ICE1: variants seen among roughly 807,000 people sequenced by gnomAD.
The protein encoded by ICE1 is interactor of little elongation complex ELL subunit 1, also known as little elongation complex subunit 1.
Under a neutral mutation model 192.7 loss-of-function variants are expected in ICE1, and 64 were observed. The ratio of observed to expected loss-of-function variants is 0.33; its 90% CI spans 0.27 to 0.41. The LOEUF is 0.41. ICE1 is among the 10% of genes least tolerant of loss of function. The pLI is 1.00. For synonymous variants in ICE1, 1,010 were observed against 984.5 expected (o/e 1.03, Z -0.49); for missense variants, 2,708 against 2,696.0 (o/e 1.00, Z -0.10).
In ICE1 at chr5:5,465,322, A is replaced by G. The variant is rs920891137; in HGVS notation, c.5892+96A>G. On this transcript the variant is annotated intron_variant, in intron 13 of 18. Transcript: ENST00000296564. ...GCAAAATGTGTAGATGACCATGAAC[A>G]AAAGTTTTACTTCAAGGATGAGAGT... is the stretch of plus-strand genomic sequence containing the variant. 6.1e-6 allele frequency: 5 copies of G among 819,728 alleles called. No homozygotes were observed. In the Admixed American group the frequency reaches 1.2e-4, roughly 19 times the overall value. 50.8% of individuals were successfully genotyped at this position (819,728 alleles called of 1,614,324 possible). A position where few individuals can be genotyped will look rare whatever the true frequency, so the allele number is the denominator to read the frequency against.
chr5:5,461,752 A>T lies in ICE1; in HGVS notation c.2418A>T (p.Arg806Ser). 1 of 1,613,810 alleles carries T rather than the reference A, an allele frequency of 6.2e-7. No individual in the cohort carries two copies. Among genetic ancestry groups the T allele is most frequent in the Non-Finnish European group, 8.5e-7 (1 of 1,179,786 alleles). The change falls in exon 13 of 19, where the codon AGA becomes AGT. Residue 806 changes from arginine to serine, a missense_variant. Coordinates refer to ENST00000296564, the MANE Select transcript of ICE1 (RefSeq NM_015325.3). ...GGAAAGGTGGCGAAGAAAGTCTGAGAGCCAAATCAGAACATGAACAGAAGA... is the reference window on the plus strand; with the variant it reads ...GGAAAGGTGGCGAAGAAAGTCTGAGTGCCAAATCAGAACATGAACAGAAGA... ...LLRKGGEESL[R>S]AKSEHEQKTS...
At chr5:5,427,308 A>G (rs899031265) in intron 1 of ICE1, among the ~76,000 whole-genome samples, 1 of 152,214 alleles carries the variant, frequency 6.6e-6, no homozygotes, top group South Asian at 2.1e-4. Flanking sequence ...GCAGTCAGAT[A>G]TAACAGTGTG....
intron 14 of ICE1, among the ~76,000 whole-genome samples, chr5:5,468,446 A>G (rs1020342148): frequency 6.6e-5 from 10 of 152,168 alleles, no homozygotes; most frequent in Non-Finnish European, 1.5e-4. Context: ...AGGAGAAAGT[A>G]TTTACAACAA....
Position 5,461,940 on chromosome 5 carries a change from A to G in ICE1, c.2606A>G (p.Lys869Arg), listed in dbSNP as rs1470990333. The G allele has an allele frequency of 6.2e-7, 1 of 1,613,934 alleles. No homozygotes were observed. Among genetic ancestry groups the G allele is most frequent in the South Asian group, 1.1e-5 (1 of 91,084 alleles). Residue 869 changes from lysine (K) to arginine (R), a missense_variant, in exon 13 of 19, where the codon AAG (lysine) becomes AGG (arginine). By Grantham distance (26) the Lys-to-Arg change is conservative. Transcript: ENST00000296564. ...SVITKQTRPE[K>R]VQSAKLEHLR... ...ATCACAAAACAGACAAGACCTGAAA[A>G]GGTTCAGAGTGCCAAATTGGAACAC... is the stretch of plus-strand genomic sequence containing the variant.
At chr5:5,428,073 G>A (rs1737578526) in intron 1 of ICE1, among the ~76,000 whole-genome samples, 1 of 152,180 alleles carries the variant, frequency 6.6e-6, no homozygotes, top group African/African-American at 2.4e-5. Context: ...GCCAAGGCCT[G>A]GAGGGGAGAA....
chr5:5,459,823 G>T (rs554742204), intron 12 of ICE1, among the ~76,000 whole-genome samples: 3 of 152,280 alleles, frequency 2.0e-5, no homozygotes, highest in East Asian at 3.9e-4. Flanking sequence ...CGAGTTGGGG[G>T]TCAGGGAAAG....
intron 3 of ICE1, among the ~76,000 whole-genome samples, chr5:5,438,254 C>T (rs1384945085): frequency 6.6e-6 from 1 of 152,188 alleles, no homozygotes; most frequent in Non-Finnish European, 1.5e-5. Flanking sequence ...GGACTGCCCC[C>T]GTGATCTGAT....
At chr5:5,443,289 G>T in intron 6 of ICE1, 45 bp downstream of exon 6, 2 of 1,030,152 alleles carry the variant, frequency 1.9e-6, no homozygotes, top group South Asian at 1.7e-5. Flanking sequence ...TTTCAGTTTT[G>T]AAAATACGTA....
At chr5:5,447,918 G>A in intron 10 of ICE1, 21 bp downstream of exon 10, 1 of 1,537,642 alleles carries the variant, frequency 6.5e-7, no homozygotes, top group Non-Finnish European at 8.8e-7. Flanking sequence ...TGCAACTTTT[G>A]TTTTAATGTT....
rs368715290 is a variant in ICE1 at position 5,480,878 on chromosome 5, G to T, written c.6520+4799G>T. 2.3e-3 allele frequency among the ~76,000 whole-genome samples: 349 copies of T among 152,320 alleles called. 1 individual carries two copies. The highest frequency in any genetic ancestry group is 6.8e-3 in the Middle Eastern group (2 of 294). ...ATGATTGCCAAAGACTATGAATTTG[G>T]TAGAGATACATCAGAAGATAAGCAG... On this transcript the variant is annotated intron_variant, in intron 17 of 18. Coordinates refer to ENST00000296564, the MANE Select transcript of ICE1 (RefSeq NM_015325.3).
At chr5:5,446,531 C>T (rs1004902396) in intron 7 of ICE1, among the ~76,000 whole-genome samples, 1 of 152,146 alleles carries the variant, frequency 6.6e-6, no homozygotes, top group Non-Finnish European at 1.5e-5. Context: ...GCTCAAGAAA[C>T]CTGCTCATCC....
Position 5,464,844 on chromosome 5 carries a change from T to C in ICE1, c.5510T>C (p.Leu1837Pro). The change falls in exon 13 of 19, where the codon CTG (leucine) becomes CCG (proline). Residue 1837 changes from leucine to proline, a missense_variant. Transcript: ENST00000296564. The surrounding 1 kb of genome is among the most constrained non-coding windows in gnomAD (Gnocchi z 4.0). ...TQQDSSGKRT[L>P]STSTLRSAKR... ...CAGGATTCAAGCGGGAAAAGAACAC[T>C]GTCAACGTCTACACTGAGAAGTGCT... The C allele has an allele frequency of 6.2e-7, 1 of 1,613,260 alleles. No homozygotes were observed. Among genetic ancestry groups the C allele is most frequent in the Middle Eastern group, 1.6e-4 (1 of 6,062 alleles).
chr5:5,470,592 A>AG (rs1739131392), intron 15 of ICE1, among the ~76,000 whole-genome samples: 1 of 152,246 alleles, frequency 6.6e-6, no homozygotes, highest in African/African-American at 2.4e-5. Flanking sequence ...ATGAGGACAT[A>AG]GTACAGTTCA....
At chr5:5,435,690 T>G (rs1378517717) in intron 1 of ICE1, among the ~76,000 whole-genome samples, 1 of 109,810 alleles carries the variant, frequency 9.1e-6, no homozygotes, top group Non-Finnish European at 1.8e-5. Context: ...TTTTGTTTTT[T>G]TTTTCGAGAT....
At chr5:5,485,898 TAA>T (rs1561102648) in intron 17 of ICE1, among the ~76,000 whole-genome samples, 1 of 152,388 alleles carries the variant, frequency 6.6e-6, no homozygotes, top group East Asian at 1.9e-4. Context: ...AAAGTTCATT[TAA>T]GTTACAGGTT....
chr5:5,436,803 G>A (rs1737883558), intron 2 of ICE1, among the ~76,000 whole-genome samples: 1 of 152,120 alleles, frequency 6.6e-6, no homozygotes, highest in African/African-American at 2.4e-5. Context: ...TAGCCATGGT[G>A]TGAGATTTCC....
At chr5:5,450,186 T>G (rs929828180) in intron 10 of ICE1, among the ~76,000 whole-genome samples, 2 of 152,192 alleles carry the variant, frequency 1.3e-5, no homozygotes, top group African/African-American at 4.8e-5. Context: ...GAAAACTGAT[T>G]GCATTTCCTT....
At position 5,462,774 on chromosome 5, in the gene ICE1, T is replaced by C. The variant is rs756086277; in HGVS notation, c.3440T>C (p.Leu1147Ser). The C allele has an allele frequency of 1.2e-6, 2 of 1,613,618 alleles. No homozygotes were observed. Among genetic ancestry groups the C allele is most frequent in the East Asian group, 4.5e-5 (2 of 44,856 alleles). ...DAAVAEVRPSLEVGYLTSALQ... is the reference protein window; with the variant it reads ...DAAVAEVRPSSEVGYLTSALQ... ...GCTGTAGCCGAGGTGAGACCTTCCT[T>C]AGAGGTAGGTTATTTGACGTCAGCT... Residue 1147 changes from leucine to serine, a missense_variant, in exon 13 of 19, where the codon TTA (leucine) becomes TCA (serine). Leu to Ser is a moderately radical substitution (Grantham distance 145). Transcript: ENST00000296564.
At chr5:5,476,643 C>T (rs902613192) in intron 17 of ICE1, among the ~76,000 whole-genome samples, 15 of 152,086 alleles carry the variant, frequency 9.9e-5, no homozygotes, top group African/African-American at 3.6e-4. Context: ...GGAGGGGTCA[C>T]ACACTTTCAA....
Sources: allele counts gnomAD v4.1 joint callset (sites outside exome capture counted in the v4.1 genomes callset), GRCh38; gene constraint gnomAD v4.1.1; non-coding constraint Gnocchi (gnomAD v3.1); transcripts MANE v1.5; gene names NCBI Gene and HGNC (gene_info 2026-07-23, HGNC 2026-07-21).